Variants in ZNF536 observed in about 807,000 individuals in gnomAD.
ZNF536 encodes the protein zinc finger protein 536.
A neutral mutation model predicts 84.5 loss-of-function variants in ZNF536; 13 were observed. The observed-to-expected ratio is 0.15, with a 90% confidence interval of 0.10 to 0.24. The LOEUF (loss-of-function observed/expected upper bound fraction) is 0.24. ZNF536 is among the 10% of genes least tolerant of loss of function. ZNF536 has a pLI of 1.00. For synonymous variants in ZNF536, 811 were observed against 742.5 expected, an observed-to-expected ratio of 1.09 and a Z score of -1.50; for missense variants, 1,536 against 1,747.5, an observed-to-expected ratio of 0.88 and a Z score of 2.16.
At chr19:30,490,491 G>A (rs188093210) in intron 2 of ZNF536, among the ~76,000 whole-genome samples, 1 of 152,308 alleles carries the variant, frequency 6.6e-6, no homozygotes, top group East Asian at 1.9e-4. Flanking sequence ...ACTGGCAGTG[G>A]ATACAGAATG....
intron 1 of ZNF536, among the ~76,000 whole-genome samples, chr19:30,564,624 G>T (rs955371212): frequency 2.0e-5 from 3 of 152,140 alleles, no homozygotes; most frequent in Non-Finnish European, 4.4e-5. Flanking sequence ...CCCAAGCGCA[G>T]CCCCTGGCGC....
chr19:30,602,518 G>A (rs1313157518), intron 1 of ZNF536, among the ~76,000 whole-genome samples: 2 of 152,188 alleles, frequency 1.3e-5, no homozygotes, highest in South Asian at 2.1e-4. Flanking sequence ...AACTGGATGG[G>A]TAATATTGTT....
intron 2 of ZNF536, among the ~76,000 whole-genome samples, chr19:30,317,356 C>T (rs2046714357): frequency 1.3e-5 from 2 of 152,230 alleles, no homozygotes; most frequent in Non-Finnish European, 2.9e-5. Flanking sequence ...AGCCACCCCC[C>T]AGGCATTAGG....
rs560316548 is a variant in ZNF536, at chr19:30,303,397, C to T, written c.-120+19256C>T. ...GAGGTGCAGGGCAGGGGCCTTGGCG[C>T]TGCCTCCAGGTTTCTGTGATCAGCT... On this transcript the variant is annotated intron_variant, in intron 2 of 5. Transcript: ENST00000585628. Among the ~76,000 whole-genome samples, 18 of 152,322 alleles carry T rather than the reference C, an allele frequency of 1.2e-4. 1 individual carries two copies. In the South Asian group the frequency reaches 3.7e-3, roughly 32 times the overall value.
chr19:30,502,469 G>A (rs1020048302), intron 2 of ZNF536, among the ~76,000 whole-genome samples: 1 of 152,112 alleles, frequency 6.6e-6, no homozygotes, highest in African/African-American at 2.4e-5. Flanking sequence ...ATCGAACTGT[G>A]TATGTCCAGG....
intron 3 of ZNF536, among the ~76,000 whole-genome samples, chr19:30,543,156 T>TA (rs1412631266): frequency 6.6e-6 from 1 of 152,208 alleles, no homozygotes; most frequent in African/African-American, 2.4e-5. Context: ...CACAGTTGGT[T>TA]AGAGTTGAGT....
chr19:30,426,165 T>C (rs1414944817), intron 1 of ZNF536, among the ~76,000 whole-genome samples: 2 of 152,224 alleles, frequency 1.3e-5, no homozygotes, highest in African/African-American at 4.8e-5. Flanking sequence ...GCCTGCATTA[T>C]GAAAAGCTTG....
intron 1 of ZNF536, among the ~76,000 whole-genome samples, chr19:30,230,837 A>G (rs1223152529): frequency 6.6e-6 from 1 of 152,232 alleles, no homozygotes; most frequent in Admixed American, 6.5e-5. Context: ...TCAGGAAATC[A>G]GAATTAAACA....
intron 1 of ZNF536, among the ~76,000 whole-genome samples, chr19:30,693,354 A>T (rs533114247): frequency 6.6e-6 from 1 of 152,234 alleles, no homozygotes; most frequent in African/African-American, 2.4e-5. Context: ...CCCTGATGTA[A>T]AGCCCTGCCC....
In ZNF536 at chr19:30,598,446, C is replaced by T. The variant is rs914135142; in HGVS notation, c.169+48932C>T. ...TGAGCCACATAAATAATTTTGAAAG[C>T]GCCTCTATAAAGCCACACCAAATAT... On this transcript the variant is annotated intron_variant, in intron 1 of 1. Coordinates refer to the ZNF536 transcript ENST00000592773. Among the ~76,000 whole-genome samples, 9 of 152,128 alleles carry T rather than the reference C, an allele frequency of 5.9e-5. No individual in the cohort carries two copies. The South Asian group carries it at 6.2e-4, about 10-fold the overall frequency.
chr19:30,348,179 T>G (rs1194166131), intron 2 of ZNF536, among the ~76,000 whole-genome samples: 3 of 152,246 alleles, frequency 2.0e-5, no homozygotes, highest in Non-Finnish European at 4.4e-5. Flanking sequence ...CACCTCTTCA[T>G]ACATTTGTTC....
intron 2 of ZNF536, among the ~76,000 whole-genome samples, chr19:30,328,631 T>G (rs1689931707): frequency 1.3e-5 from 2 of 152,218 alleles, no homozygotes; most frequent in South Asian, 4.1e-4. Context: ...TTTGTACCAC[T>G]TGTGTGTTTC....
chr19:30,353,934 C>T (rs906560025), intron 3 of ZNF536, among the ~76,000 whole-genome samples: 2 of 152,154 alleles, frequency 1.3e-5, no homozygotes, highest in African/African-American at 4.8e-5. Context: ...GACTGGCTTC[C>T]TCCGGGGGCA....
At chr19:30,325,356 G>A (rs1011882786) in intron 2 of ZNF536, among the ~76,000 whole-genome samples, 8 of 152,214 alleles carry the variant, frequency 5.3e-5, no homozygotes, top group Non-Finnish European at 1.2e-4. Flanking sequence ...CAAGGCAGCC[G>A]GTGTGGTGGC....
intron 1 of ZNF536, among the ~76,000 whole-genome samples, chr19:30,617,481 A>G (rs1448290993): frequency 6.7e-6 from 1 of 149,822 alleles, no homozygotes; most frequent in Non-Finnish European, 1.5e-5. Context: ...CTCCCAAGTA[A>G]CTGGGACGAC....
At chr19:30,279,263 T>C (rs1337309185) in intron 1 of ZNF536, among the ~76,000 whole-genome samples, 1 of 152,208 alleles carries the variant, frequency 6.6e-6, no homozygotes, top group African/African-American at 2.4e-5. Flanking sequence ...TTGAATCTGG[T>C]CTCGGAAACA....
At chr19:30,453,081 G>T (rs1568446833) in intron 2 of ZNF536, among the ~76,000 whole-genome samples, 1 of 152,166 alleles carries the variant, frequency 6.6e-6, no homozygotes, top group South Asian at 2.1e-4. Context: ...TTGCTGGCAG[G>T]ATGGGGCGAT....
chr19:30,276,510 T>C (rs530581347), intron 1 of ZNF536, among the ~76,000 whole-genome samples: 1 of 152,308 alleles, frequency 6.6e-6, no homozygotes, highest in African/African-American at 2.4e-5. Flanking sequence ...ATACCAACTA[T>C]TTTTCACACA....
chr19:30,287,208 T>A (rs2045659868), intron 2 of ZNF536, among the ~76,000 whole-genome samples: 1 of 132,064 alleles, frequency 7.6e-6, no homozygotes, highest in East Asian at 2.2e-4. Flanking sequence ...GATGGATACA[T>A]AGATGGGTGG....
Sources: allele counts gnomAD v4.1 joint callset (sites outside exome capture counted in the v4.1 genomes callset), GRCh38; gene constraint gnomAD v4.1.1; transcripts MANE v1.5; gene names NCBI Gene and HGNC (gene_info 2026-07-23, HGNC 2026-07-21).